The following NLGN4X variants were observed in gnomAD, a reference collection of about 807,000 sequenced individuals.
NLGN4X encodes the protein neuroligin 4 X-linked.
A neutral mutation model predicts 40.3 loss-of-function variants in NLGN4X; 3 were observed. The ratio of observed to expected loss-of-function variants is 0.07; its 90% CI spans 0.03 to 0.19. The LOEUF is 0.19. Ranked by LOEUF, NLGN4X falls within the 10% of genes least tolerant of loss-of-function variation. The pLI is 1.00. For missense variants in NLGN4X, 382 were observed against 708.3 expected (o/e 0.54, Z 5.23); for synonymous variants, 270 against 306.8 (o/e 0.88, Z 1.25).
chrX:6,116,391 C>CTTTTTTTTTTTTTTTTT lies in NLGN4X; in HGVS notation c.472+34587_472+34603dup, dbSNP rs1157468420. On this transcript the variant is annotated intron_variant, in intron 2 of 5. Transcript: ENST00000381095. The stretch of plus-strand genomic sequence containing the variant: ...ACAAGTAGGTATTGAACCTTTCTTT[C>CTTTTTTTTTTTTTTTTT]TTTTTTTTTTTTTTTTTTTTTTTTT... Among the ~76,000 whole-genome samples, 7 of 22,279 alleles carry CTTTTTTTTTTTTTTTTT rather than the reference C, an allele frequency of 3.1e-4. 1 individual carries two copies. Among genetic ancestry groups the CTTTTTTTTTTTTTTTTT allele is most frequent in the African/African-American group, 1.3e-3 (7 of 5,350 alleles). 19.3% of individuals were successfully genotyped at this position (22,279 alleles called of 115,157 possible).
At chrX:5,936,563 T>C (rs2033736862) in intron 3 of NLGN4X, among the ~76,000 whole-genome samples, 1 of 111,953 alleles carries the variant, frequency 8.9e-6, no homozygotes. Context: ...CAGACAGGAA[T>C]GAACACGTGG....
At chrX:5,965,507 G>A (rs1004639222) in intron 3 of NLGN4X, among the ~76,000 whole-genome samples, 49 of 112,220 alleles carry the variant, frequency 4.4e-4, no homozygotes, top group African/African-American at 1.5e-3. Context: ...ATGGTCCTCA[G>A]TAGCTTCAGA....
chrX:5,998,717 GA>G (rs982629465), intron 3 of NLGN4X, among the ~76,000 whole-genome samples: 5 of 111,773 alleles, frequency 4.5e-5, no homozygotes, highest in African/African-American at 9.8e-5. Context: ...AAACACTGGG[GA>G]AAAAAAAGAG....
chrX:5,938,966 C>CGTGTGT (rs60927853), intron 3 of NLGN4X, among the ~76,000 whole-genome samples: 3,716 of 101,897 alleles, frequency 0.036, 104 homozygotes, highest in African/African-American at 0.092. Flanking sequence ...TGTGTGTGTG[C>CGTGTGT]GTGTGTGTGT....
intron 3 of NLGN4X, among the ~76,000 whole-genome samples, chrX:5,952,191 G>C (rs2034334066): frequency 9.0e-6 from 1 of 111,683 alleles, no homozygotes; most frequent in South Asian, 3.8e-4. Context: ...TAGGTGGAGA[G>C]GAGTTGAGAT....
intron 1 of NLGN4X, among the ~76,000 whole-genome samples, chrX:6,216,904 C>T (rs1246102113): frequency 2.7e-5 from 3 of 111,888 alleles, no homozygotes; most frequent in African/African-American, 9.8e-5. Context: ...AGCCTTACAC[C>T]TCAGCCTCCT....
chrX:6,136,449 G>T (rs1306918707), intron 2 of NLGN4X, among the ~76,000 whole-genome samples: 1 of 111,622 alleles, frequency 9.0e-6, no homozygotes, highest in Non-Finnish European at 1.9e-5. Context: ...ACTGAGGAAG[G>T]TTCGCTTCCA....
chrX:5,923,185 T>C (rs1401650222), intron 3 of NLGN4X, among the ~76,000 whole-genome samples: 1 of 112,314 alleles, frequency 8.9e-6, no homozygotes, highest in Non-Finnish European at 1.9e-5. Context: ...CCATCTCGGC[T>C]CACTGCACCC....
chrX:5,949,448 C>T (rs2034235651), intron 3 of NLGN4X, among the ~76,000 whole-genome samples: 1 of 111,404 alleles, frequency 9.0e-6, no homozygotes, highest in Non-Finnish European at 1.9e-5. Context: ...CCTTCACATA[C>T]AGGGAATTTG....
At chrX:6,087,894 T>G (rs1415526493) in intron 2 of NLGN4X, among the ~76,000 whole-genome samples, 1 of 112,641 alleles carries the variant, frequency 8.9e-6, no homozygotes, top group African/African-American at 3.2e-5. Flanking sequence ...CCTTTCTTTC[T>G]TTTTGAGCTT....
intron 3 of NLGN4X, among the ~76,000 whole-genome samples, chrX:6,024,176 T>C: frequency 8.9e-6 from 1 of 111,883 alleles, no homozygotes; most frequent in Non-Finnish European, 1.9e-5. Flanking sequence ...GATTAATGTC[T>C]AATCTTCTTA....
At chrX:6,157,655 T>C (rs73184644) in intron 1 of NLGN4X, among the ~76,000 whole-genome samples, 10,567 of 111,160 alleles carry the variant, frequency 0.095, 478 homozygotes, top group Admixed American at 0.13. Flanking sequence ...CCTAGAGGGC[T>C]GTATTTTCCT....
chrX:5,932,821 C>T (rs1352030655), intron 3 of NLGN4X, among the ~76,000 whole-genome samples: 3 of 110,775 alleles, frequency 2.7e-5, no homozygotes, highest in Non-Finnish European at 3.8e-5. Flanking sequence ...AGAGGAAGAA[C>T]TAAGTTGATG....
chrX:5,995,629 A>G, intron 3 of NLGN4X, among the ~76,000 whole-genome samples: 1 of 112,515 alleles, frequency 8.9e-6, no homozygotes, highest in African/African-American at 3.2e-5. Context: ...CACAAAGCAC[A>G]GATATGAATT....
intron 1 of NLGN4X, among the ~76,000 whole-genome samples, chrX:6,225,689 C>CT (rs749574818): frequency 7.1e-3 from 191 of 26,734 alleles, no homozygotes; most frequent in East Asian, 0.013. Flanking sequence ...TTCTTTTTTT[C>CT]TTTTTTTTTT....
At chrX:6,106,082 A>G (rs2039025701) in intron 2 of NLGN4X, among the ~76,000 whole-genome samples, 1 of 111,738 alleles carries the variant, frequency 8.9e-6, no homozygotes, top group Non-Finnish European at 1.9e-5. Flanking sequence ...AATATGGAAC[A>G]TCACTCCCAA....
intron 3 of NLGN4X, among the ~76,000 whole-genome samples, chrX:5,935,972 G>A (rs1268383270): frequency 1.8e-5 from 2 of 111,816 alleles, no homozygotes; most frequent in African/African-American, 3.2e-5. Context: ...TCACAAAAGT[G>A]GTTATCCTTA....
intron 3 of NLGN4X, among the ~76,000 whole-genome samples, chrX:6,007,457 T>G (rs1381732027): frequency 8.9e-6 from 1 of 111,733 alleles, no homozygotes; most frequent in Non-Finnish European, 1.9e-5. Flanking sequence ...ACTGAATTTG[T>G]AACACCCATA....
chrX:5,890,082 G>A lies in NLGN4X; in HGVS notation c.*2735C>T. 4.5e-6 allele frequency: 1 copy of A among 223,963 alleles called. No homozygotes were observed. Among genetic ancestry groups the A allele is most frequent in the Admixed American group, 6.0e-5 (1 of 16,613 alleles). The allele number at this position is 223,963 out of a possible 1,213,427, so 18.5% of individuals were successfully genotyped here. A position where few individuals can be genotyped will look rare whatever the true frequency, so the allele number is the denominator to read the frequency against. On this transcript the variant is annotated 3_prime_UTR_variant, in exon 6 of 6. Transcript: ENST00000381095. ...ATATTTTATTATTAAAAATGCTGCT[G>A]AAAAGTTTATACATATGTGTCCGGC...
Sources: allele counts gnomAD v4.1 joint callset (sites outside exome capture counted in the v4.1 genomes callset), GRCh38; gene constraint gnomAD v4.1.1; transcripts MANE v1.5; gene names NCBI Gene and HGNC (gene_info 2026-07-23, HGNC 2026-07-21).